Variants in DLEC1 observed in about 807,000 individuals in gnomAD.
DLEC1 encodes DLEC1 cilia and flagella associated protein, also known as deleted in lung and esophageal cancer protein 1.
Under a neutral mutation model 198.1 loss-of-function variants are expected in DLEC1, and 146 were observed. That is an observed-to-expected ratio of 0.74 (90% CI 0.64 to 0.85). The LOEUF (loss-of-function observed/expected upper bound fraction) is 0.85. DLEC1 is among the 40% of genes least tolerant of loss of function. The probability of loss-of-function intolerance (pLI) is 0.00; values close to 1 mark genes in which losing one functional copy is unlikely to be tolerated. For synonymous variants in DLEC1, 897 were observed against 866.8 expected (o/e 1.03, Z -0.61); for missense variants, 2,233 against 2,220.0 (o/e 1.01, Z -0.12).
chr3:38,062,656 C>T lies in DLEC1; in HGVS notation c.949C>T (p.Leu317Phe). The change falls in exon 5 of 37, where the codon CTT becomes TTT. Residue 317 changes from leucine (L) to phenylalanine (F), a missense_variant. By Grantham distance (22) the Leu-to-Phe change is conservative (BLOSUM62 0). Coordinates refer to ENST00000308059, the MANE Select transcript of DLEC1 (RefSeq NM_007335.4). The part of the protein sequence containing the change: ...VPQRELDRLL[L>F]ARMESRNHFL... ...ACAGAGAGAGCTAGACAGACTTCTG[C>T]TTGCCAGAATGGAGAGTCGGAACCA... 6.2e-7 allele frequency: 1 copy of T among 1,614,138 alleles called. No homozygotes were observed. The highest frequency in any genetic ancestry group is 8.5e-7 in the Non-Finnish European group (1 of 1,180,044).
intron 6 of DLEC1, among the ~76,000 whole-genome samples, chr3:38,067,971 C>G (rs1356768408): frequency 6.6e-6 from 1 of 152,036 alleles, no homozygotes; most frequent in Non-Finnish European, 1.5e-5. Context: ...CCATGCTGGT[C>G]TCGAACTCCT....
intron 19 of DLEC1, among the ~76,000 whole-genome samples, chr3:38,100,977 C>T (rs369365224): frequency 1.3e-4 from 20 of 152,314 alleles, no homozygotes; most frequent in South Asian, 4.1e-4. Context: ...TCCGCTCCCC[C>T]ACTTCCCTCC....
Position 38,093,654 on chromosome 3 carries a change from A to C in DLEC1, c.1806A>C (p.Lys602Asn). The change falls in exon 12 of 37, where the codon AAA becomes AAC. Residue 602 changes from lysine to asparagine, a missense_variant. Coordinates refer to ENST00000308059, the MANE Select transcript of DLEC1 (RefSeq NM_007335.4). ...ATCTGATCTATATTTCTGGTGAAAA[A>C]AGCCAGCCAGACCCTGGAGAGCTCA... The part of the protein sequence containing the change: ...ALDLIYISGE[K>N]SQPDPGELTD... The C allele has an allele frequency of 6.2e-7, 1 of 1,614,202 alleles. No homozygotes were observed. The highest frequency in any genetic ancestry group is 8.5e-7 in the Non-Finnish European group (1 of 1,180,044).
chr3:38,109,632 C>G, intron 22 of DLEC1, 70 bp downstream of exon 22: 2 of 1,605,852 alleles, frequency 1.2e-6, no homozygotes, highest in South Asian at 1.1e-5. Context: ...CCAGGACCAG[C>G]ACGGCACTGT....
chr3:38,111,943 C>T (rs1250995048), intron 24 of DLEC1, among the ~76,000 whole-genome samples, 196 bp downstream of exon 24: 2 of 152,152 alleles, frequency 1.3e-5, no homozygotes, highest in African/African-American at 4.8e-5. Context: ...ATGCACAGGG[C>T]CTGGACTCCA....
At chr3:38,113,431 C>T (rs1699988824) in intron 25 of DLEC1, among the ~76,000 whole-genome samples, 1 of 151,964 alleles carries the variant, frequency 6.6e-6, no homozygotes, top group African/African-American at 2.4e-5. Context: ...TGGTTCATGC[C>T]TGTAATCCCA....
At chr3:38,052,861 C>T (rs571142420) in intron 2 of DLEC1, among the ~76,000 whole-genome samples, 9 of 152,204 alleles carry the variant, frequency 5.9e-5, no homozygotes, top group Non-Finnish European at 7.3e-5. Context: ...ACTGTACTGC[C>T]GCCATCTCGG....
At position 38,051,386 on chromosome 3, in the gene DLEC1, C is replaced by T. The variant is rs538108836; in HGVS notation, c.562+5693C>T. Among the ~76,000 whole-genome samples, 7 of 152,340 alleles carry T rather than the reference C, an allele frequency of 4.6e-5. No homozygotes were observed. The East Asian group carries it at 9.6e-4, about 21-fold the overall frequency. ...CCCACCTGTCCCTGCTGCCTGCTGC[C>T]GTAGCAGGAGCTGGAGGCTGCTGCT... On this transcript the variant is annotated intron_variant, in intron 2 of 36. Transcript: ENST00000308059.
chr3:38,117,641 C>T (rs1700250963), intron 32 of DLEC1, 30 bp downstream of exon 32: 4 of 1,613,728 alleles, frequency 2.5e-6, no homozygotes, highest in Non-Finnish European at 3.4e-6. Flanking sequence ...CTGGCCCTGC[C>T]AGCTTACCTG....
chr3:38,088,038 C>T (rs984098511), intron 9 of DLEC1, among the ~76,000 whole-genome samples: 1 of 152,210 alleles, frequency 6.6e-6, no homozygotes, highest in Non-Finnish European at 1.5e-5. Flanking sequence ...TTCCTTGTAC[C>T]TCCTGTCAGT....
rs380566 is a variant in DLEC1 at position 38,059,833 on chromosome 3, G to A, written c.654G>A (p.Pro218=). The A allele has an allele frequency of 2.5e-4, 405 of 1,613,992 alleles. 1 individual carries two copies. Among genetic ancestry groups the A allele is most frequent in the South Asian group, 6.4e-4 (58 of 91,062 alleles). Residue 218 remains proline (P), a synonymous_variant, in exon 3 of 37, where the codon CCG becomes CCA. Transcript: ENST00000308059. ...AAGATTACTACACCGATACAGTGCC[G>A]TTTCACTCTGCACCTAAAGGTAATG... The part of the protein sequence containing the change: ...SPEDYYTDTV[P]FHSAPKGISL...
At chr3:38,075,914 T>G (rs1315119630) in intron 6 of DLEC1, among the ~76,000 whole-genome samples, 1 of 152,072 alleles carries the variant, frequency 6.6e-6, no homozygotes, top group African/African-American at 2.4e-5. Flanking sequence ...AAAGCGGGAC[T>G]TGCCACTAAG....
chr3:38,109,615 GCCGCGCCCAGGA>G, intron 22 of DLEC1, 53 bp downstream of exon 22: 1 of 1,610,754 alleles, frequency 6.2e-7, no homozygotes, highest in Non-Finnish European at 8.5e-7. Context: ...GAATGAGGCA[GCCGCGCCCAGGA>G]CCAGCACGGC....
In DLEC1 at chr3:38,121,698, C is replaced by A; in HGVS notation, c.4937C>A (p.Thr1646Asn). 1.9e-6 allele frequency: 3 copies of A among 1,614,066 alleles called. No individual in the cohort carries two copies. The highest frequency in any genetic ancestry group is 1.7e-6 in the Non-Finnish European group (2 of 1,179,972). The change falls in exon 35 of 37, where the codon ACC becomes AAC. Residue 1646 changes from threonine (T) to asparagine (N), a missense_variant. Coordinates refer to ENST00000308059, the MANE Select transcript of DLEC1 (RefSeq NM_007335.4). ...QLSTSWVDFG[T>N]CFVSQQRVRE... ...TCCACCAGCTGGGTGGACTTTGGGACCTGCTTTGTGAGCCAGCAGCGAGTC... is the reference window on the plus strand; with the variant it reads ...TCCACCAGCTGGGTGGACTTTGGGAACTGCTTTGTGAGCCAGCAGCGAGTC...
chr3:38,101,601 CTG>C (rs1699309497), intron 19 of DLEC1, among the ~76,000 whole-genome samples: 1 of 152,138 alleles, frequency 6.6e-6, no homozygotes, highest in African/African-American at 2.4e-5. Context: ...ATTTAAATCT[CTG>C]TGGATGCTCT....
chr3:38,088,232 T>TG, intron 9 of DLEC1, 64 bp from the exon 10 acceptor site: 3 of 1,436,168 alleles, frequency 2.1e-6, no homozygotes, highest in Non-Finnish European at 2.9e-6. Context: ...GAGAGAAGTT[T>TG]GCAATCTGAA....
intron 19 of DLEC1, chr3:38,103,218 T>G (rs748933894): frequency 1.3e-5 from 2 of 152,212 alleles, no homozygotes; most frequent in Non-Finnish European, 2.9e-5. Context: ...TAGCACCCAC[T>G]TGAGTGAGAT....
intron 22 of DLEC1, 186 bp downstream of exon 22, chr3:38,109,748 C>A: frequency 1.9e-6 from 2 of 1,030,346 alleles, no homozygotes; most frequent in Non-Finnish European, 2.8e-6. Flanking sequence ...CCCATCCCTG[C>A]CCTCTGTGTG....
Position 38,097,578 on chromosome 3 carries a change from C to T in DLEC1, c.2506C>T (p.Leu836=), listed in dbSNP as rs1699093940. 1.2e-6 allele frequency: 2 copies of T among 1,614,062 alleles called. No homozygotes were observed. The highest frequency in any genetic ancestry group is 2.7e-5 in the African/African-American group (2 of 74,924). Reference sequence around the variant, plus strand: ...CCCTGGCCCCACAAGCCAGGACCTGCTGTGTGAAATCGAAGACTCGCCCTC... The same window carrying T: ...CCCTGGCCCCACAAGCCAGGACCTGTTGTGTGAAATCGAAGACTCGCCCTC... The part of the protein sequence containing the change: ...GVPGPTSQDL[L]CEIEDSPSPV... The change falls in exon 17 of 37, where the codon CTG becomes TTG. Residue 836 remains leucine, a synonymous_variant. Transcript: ENST00000308059.
Sources: gnomAD v4.1 joint callset for allele counts (sites outside exome capture counted in the v4.1 genomes callset) on GRCh38, gnomAD v4.1.1 for gene constraint, MANE v1.5 for transcripts, NCBI Gene and HGNC (gene_info 2026-07-23, HGNC 2026-07-21) for gene names.